Variants in RBFOX1 observed in about 807,000 individuals in gnomAD.
The protein encoded by RBFOX1 is RNA binding fox-1 homolog 1, also known as RNA binding protein fox-1 homolog 1.
RBFOX1 carries 8 observed loss-of-function variants against 57.7 expected under a neutral mutation model. The ratio of observed to expected loss-of-function variants is 0.14; its 90% confidence interval spans 0.08 to 0.25. The LOEUF (loss-of-function observed/expected upper bound fraction) is 0.25. Among genes scored for constraint, RBFOX1 ranks in the 10% least tolerant of loss-of-function variants. The pLI is 1.00. For synonymous variants in RBFOX1, 326 were observed against 222.4 expected (o/e 1.47, Z -4.15); for missense variants, 611 against 548.5 (o/e 1.11, Z -1.14).
chr16:6,875,666 T>C (rs920818699), intron 3 of RBFOX1, among the ~76,000 whole-genome samples: 3 of 152,240 alleles, frequency 2.0e-5, no homozygotes, highest in African/African-American at 7.2e-5. Context: ...GGAGAAGTTA[T>C]ATTTTCTTTA....
intron 2 of RBFOX1, among the ~76,000 whole-genome samples, chr16:6,475,607 C>T (rs1003529999): frequency 3.3e-5 from 5 of 152,164 alleles, no homozygotes; most frequent in African/African-American, 1.2e-4. Flanking sequence ...TATGTTCTCC[C>T]ATCTCAATAT....
intron 1 of RBFOX1, among the ~76,000 whole-genome samples, chr16:5,452,368 C>T (rs1243769218): frequency 2.6e-5 from 4 of 152,028 alleles, no homozygotes; most frequent in Admixed American, 2.0e-4. Context: ...CTCGACCTCC[C>T]AAAGTGCTGG....
In RBFOX1 at chr16:6,420,619, C is replaced by G. The variant is rs74734828; in HGVS notation, c.-64+103562C>G. ...GCCCTATTACAGATAATGCTGCTGA[C>G]AGCCTCAGTTCATCACGTTTCTCAT... is the stretch of plus-strand genomic sequence containing the variant. On this transcript the variant is annotated intron_variant, in intron 2 of 15. Coordinates refer to ENST00000550418, the MANE Select transcript of RBFOX1 (RefSeq NM_018723.4). Among the ~76,000 whole-genome samples the G allele has an allele frequency of 8.4e-3, 1,286 of 152,320 alleles. 10 individuals carry two copies. The highest frequency in any genetic ancestry group is 0.014 in the Non-Finnish European group (972 of 68,028).
At chr16:7,625,773 A>T (rs1427458015) in intron 10 of RBFOX1, among the ~76,000 whole-genome samples, 1 of 152,314 alleles carries the variant, frequency 6.6e-6, no homozygotes, top group South Asian at 2.1e-4. Context: ...ATTGCCAAAC[A>T]GCCTTTCTTT....
intron 4 of RBFOX1, among the ~76,000 whole-genome samples, chr16:7,116,583 A>G (rs894300144): frequency 6.6e-6 from 1 of 152,158 alleles, no homozygotes; most frequent in Non-Finnish European, 1.5e-5. Context: ...CTTAAACTAA[A>G]CCTTTTGGAA....
At chr16:7,357,083 A>T (rs1429299915) in intron 4 of RBFOX1, among the ~76,000 whole-genome samples, 1 of 152,154 alleles carries the variant, frequency 6.6e-6, no homozygotes, top group Non-Finnish European at 1.5e-5. Flanking sequence ...AAGGTAAACC[A>T]GTTTGGTCCA....
At chr16:6,137,606 A>ATTTT (rs57190040) in intron 1 of RBFOX1, among the ~76,000 whole-genome samples, 4 of 98,354 alleles carry the variant, frequency 4.1e-5, no homozygotes, top group Admixed American at 1.1e-4. Flanking sequence ...GCGCCTGGTC[A>ATTTT]TTTTTTTTTT....
intron 4 of RBFOX1, among the ~76,000 whole-genome samples, chr16:7,379,276 C>T (rs911242278): frequency 3.9e-5 from 6 of 152,146 alleles, no homozygotes; most frequent in African/African-American, 7.2e-5. Flanking sequence ...GGTAACTGTG[C>T]CCTGCCTCTT....
At chr16:6,134,908 A>G (rs62015667) in intron 1 of RBFOX1, among the ~76,000 whole-genome samples, 50,290 of 151,810 alleles carry the variant, frequency 0.33, 9,639 homozygotes, top group Non-Finnish European at 0.44. Context: ...GGGTTGTTAC[A>G]TATGTATGCA....
intron 3 of RBFOX1, among the ~76,000 whole-genome samples, chr16:6,852,451 C>G (rs569918906): frequency 1.3e-5 from 2 of 152,190 alleles, no homozygotes; most frequent in East Asian, 1.9e-4. Context: ...CCTGAGATAT[C>G]TGAGTGGCTA....
chr16:6,163,426 A>G (rs1029446517), intron 1 of RBFOX1, among the ~76,000 whole-genome samples: 1 of 152,238 alleles, frequency 6.6e-6, no homozygotes, highest in African/African-American at 2.4e-5. Context: ...TGGTAAGTTC[A>G]TTGTTGTTAT....
At chr16:6,564,815 T>G (rs2097235934) in intron 2 of RBFOX1, among the ~76,000 whole-genome samples, 2 of 152,152 alleles carry the variant, frequency 1.3e-5, no homozygotes, top group Non-Finnish European at 2.9e-5. Flanking sequence ...ACCTTGAATC[T>G]GTTCAGTCCT....
At chr16:6,015,297 C>T (rs563888857), upstream of RBFOX1, among the ~76,000 whole-genome samples, 2 of 152,222 alleles carry the variant, frequency 1.3e-5, no homozygotes, top group East Asian at 3.9e-4. Flanking sequence ...CTGGAATTCA[C>T]TGGATGTTTA....
intron 3 of RBFOX1, among the ~76,000 whole-genome samples, chr16:5,730,576 C>T (rs2052328813): frequency 6.6e-6 from 1 of 152,126 alleles, no homozygotes; most frequent in Admixed American, 6.5e-5. Context: ...TCATCGTCAT[C>T]ATTACCATCA....
At chr16:5,542,651 C>G (rs977488543) in intron 2 of RBFOX1, among the ~76,000 whole-genome samples, 6 of 152,148 alleles carry the variant, frequency 3.9e-5, no homozygotes, top group Non-Finnish European at 8.8e-5. Flanking sequence ...GACCACGCAA[C>G]ACTTCCATTG....
chr16:6,888,394 G>C (rs545180749), intron 3 of RBFOX1, among the ~76,000 whole-genome samples: 1 of 152,240 alleles, frequency 6.6e-6, no homozygotes, highest in African/African-American at 2.4e-5. Flanking sequence ...ACTTGGAGGA[G>C]AAAGAGCTTA....
At chr16:5,806,206 A>G (rs2151764622) in intron 3 of RBFOX1, among the ~76,000 whole-genome samples, 1 of 152,258 alleles carries the variant, frequency 6.6e-6, no homozygotes, top group Admixed American at 6.5e-5. Context: ...TTCTCTATCC[A>G]TTTGTGCAGT....
intron 4 of RBFOX1, among the ~76,000 whole-genome samples, chr16:5,933,984 C>T (rs1469549311): frequency 6.6e-6 from 1 of 152,030 alleles, no homozygotes; most frequent in Non-Finnish European, 1.5e-5. Flanking sequence ...GTCTGTTGTT[C>T]CCTTCTTTGT....
chr16:6,987,270 T>C (rs940774061), intron 3 of RBFOX1, among the ~76,000 whole-genome samples: 2 of 152,162 alleles, frequency 1.3e-5, no homozygotes, highest in Non-Finnish European at 2.9e-5. Context: ...GGAATATTCA[T>C]GCTGGATGGA....
Sources: allele counts gnomAD v4.1 joint callset (sites outside exome capture counted in the v4.1 genomes callset), GRCh38; gene constraint gnomAD v4.1.1; transcripts MANE v1.5; gene names NCBI Gene and HGNC (gene_info 2026-07-23, HGNC 2026-07-21).